DOCK3: variants seen among roughly 807,000 people sequenced by gnomAD.
DOCK3 encodes dedicator of cytokinesis 3, also known as dedicator of cytokinesis protein 3.
DOCK3 carries 60 observed loss-of-function variants against 265.6 expected under a neutral mutation model. That is an observed-to-expected ratio of 0.23 (90% confidence interval 0.18 to 0.28). DOCK3 has a LOEUF of 0.28. Among genes scored for constraint, DOCK3 ranks in the 10% least tolerant of loss-of-function variants. The pLI is 1.00. For synonymous variants in DOCK3, 881 were observed against 938.0 expected, an observed-to-expected ratio of 0.94 and a Z score of 1.11; for missense variants, 1,981 against 2,594.3, an observed-to-expected ratio of 0.76 and a Z score of 5.14.
chr3:51,207,095 G>C (rs2089258002), intron 12 of DOCK3, among the ~76,000 whole-genome samples: 2 of 152,158 alleles, frequency 1.3e-5, no homozygotes, highest in African/African-American at 4.8e-5. Flanking sequence ...GAATGGGTGA[G>C]ATTGCCCAGG....
chr3:50,943,915 A>T (rs1044407425), intron 5 of DOCK3, among the ~76,000 whole-genome samples: 6 of 152,184 alleles, frequency 3.9e-5, no homozygotes, highest in Non-Finnish European at 7.4e-5. Flanking sequence ...AATGGATGTT[A>T]TAAACTTATT....
rs182208718 is a variant in DOCK3, at chr3:51,217,872, C to T, written c.1252+3625C>T. Among the ~76,000 whole-genome samples, 6 of 152,284 alleles carry T rather than the reference C, an allele frequency of 3.9e-5. No individual in the cohort carries two copies. In the East Asian group the frequency reaches 9.6e-4, roughly 24 times the overall value. On this transcript the variant is annotated intron_variant, in intron 14 of 52. Transcript: ENST00000266037. ...GTGGCTCACACCTGTAATCCCAGCACTTTGGGAGGCCAAGGCAGGCAGATC... is the reference window on the plus strand; with the variant it reads ...GTGGCTCACACCTGTAATCCCAGCATTTTGGGAGGCCAAGGCAGGCAGATC...
chr3:50,776,018 G>T (rs2041574865), intron 1 of DOCK3, among the ~76,000 whole-genome samples: 1 of 152,106 alleles, frequency 6.6e-6, no homozygotes, highest in South Asian at 2.1e-4. Flanking sequence ...CTGTGTCTTT[G>T]CAATTGTGTG....
intron 4 of DOCK3, among the ~76,000 whole-genome samples, chr3:50,930,801 G>A (rs1013724532): frequency 4.6e-5 from 7 of 152,236 alleles, no homozygotes; most frequent in African/African-American, 1.7e-4. Context: ...CTCTTGCAGA[G>A]GCCCAGGAAC....
chr3:51,083,255 A>T (rs778041800), intron 7 of DOCK3, among the ~76,000 whole-genome samples: 2 of 152,052 alleles, frequency 1.3e-5, no homozygotes, highest in African/African-American at 4.8e-5. Flanking sequence ...ATCAAATCCA[A>T]AGCACCCTAC....
At chr3:51,013,049 T>C (rs1324635733) in intron 5 of DOCK3, among the ~76,000 whole-genome samples, 1 of 152,180 alleles carries the variant, frequency 6.6e-6, no homozygotes, top group Non-Finnish European at 1.5e-5. Flanking sequence ...GCCATTCATC[T>C]AATCTTTTTT....
At chr3:51,123,590 T>C (rs2084131692) in intron 9 of DOCK3, among the ~76,000 whole-genome samples, 1 of 152,220 alleles carries the variant, frequency 6.6e-6, no homozygotes, top group South Asian at 2.1e-4. Flanking sequence ...CTTTGTGCTC[T>C]CTGTCTCACA....
At chr3:50,867,350 T>C (rs2047192242) in intron 3 of DOCK3, among the ~76,000 whole-genome samples, 1 of 152,216 alleles carries the variant, frequency 6.6e-6, no homozygotes, top group South Asian at 2.1e-4. Flanking sequence ...TTTCTAAATA[T>C]GGGATTATAT....
intron 7 of DOCK3, among the ~76,000 whole-genome samples, chr3:51,088,238 A>G (rs929647508): frequency 2.0e-5 from 3 of 152,188 alleles, no homozygotes; most frequent in Admixed American, 6.5e-5. Flanking sequence ...GAGATAGGGA[A>G]TAAAAAAGTG....
intron 1 of DOCK3, among the ~76,000 whole-genome samples, chr3:50,738,982 C>G (rs2038829658): frequency 2.0e-5 from 3 of 152,118 alleles, no homozygotes; most frequent in Non-Finnish European, 4.4e-5. Context: ...TAGCAGTTTT[C>G]CAGCTAAATA....
At chr3:51,230,919 G>A (rs1460872593) in intron 19 of DOCK3, among the ~76,000 whole-genome samples, 2 of 130,034 alleles carry the variant, frequency 1.5e-5, no homozygotes, top group African/African-American at 2.9e-5. Flanking sequence ...TTGAGTGCAT[G>A]GGTCTTTTTG....
chr3:51,379,343 G>C, intron 51 of DOCK3: 13 of 969,126 alleles, frequency 1.3e-5, no homozygotes, highest in Non-Finnish European at 1.6e-5. Context: ...TGCCCCACAT[G>C]TGTGCTGGAT....
intron 9 of DOCK3, among the ~76,000 whole-genome samples, chr3:51,100,170 A>G (rs1219349832): frequency 2.6e-5 from 4 of 152,220 alleles, no homozygotes; most frequent in Admixed American, 1.3e-4. Context: ...TAAGCCCCTG[A>G]CAGTCTGGCC....
intron 5 of DOCK3, among the ~76,000 whole-genome samples, chr3:50,950,203 C>T (rs1445008092): frequency 6.6e-6 from 1 of 152,004 alleles, no homozygotes; most frequent in Non-Finnish European, 1.5e-5. Flanking sequence ...ATTATAAGTA[C>T]CCATTTTATA....
intron 3 of DOCK3, among the ~76,000 whole-genome samples, chr3:50,882,006 G>A (rs2355704): frequency 0.057 from 8,713 of 152,212 alleles, 885 homozygotes; most frequent in African/African-American, 0.2. Context: ...ACAAAGACAA[G>A]CAATGGGGAA....
At chr3:50,694,777 A>T (rs1389378973) in intron 1 of DOCK3, among the ~76,000 whole-genome samples, 1 of 152,206 alleles carries the variant, frequency 6.6e-6, no homozygotes, top group Admixed American at 6.5e-5. Context: ...ACTCCACTGC[A>T]CTCCAGCCTG....
chr3:51,281,305 ATC>A (rs58562986), intron 27 of DOCK3, among the ~76,000 whole-genome samples: 1 of 132,738 alleles, frequency 7.5e-6, no homozygotes, highest in African/African-American at 2.7e-5. Context: ...ATATATATAT[ATC>A]TCATAATATT....
chr3:50,771,081 G>C (rs2041246230), intron 1 of DOCK3, among the ~76,000 whole-genome samples: 1 of 152,144 alleles, frequency 6.6e-6, no homozygotes, highest in South Asian at 2.1e-4. Flanking sequence ...GGCAACCAAA[G>C]CACACATGGA....
chr3:51,202,032 G>A (rs1211136374), intron 12 of DOCK3, among the ~76,000 whole-genome samples: 1 of 152,126 alleles, frequency 6.6e-6, no homozygotes, highest in African/African-American at 2.4e-5. Flanking sequence ...AGTGTGTAGA[G>A]GGAAATTTAT....
Sources: gnomAD v4.1 joint callset for allele counts (sites outside exome capture counted in the v4.1 genomes callset) on GRCh38, gnomAD v4.1.1 for gene constraint, MANE v1.5 for transcripts, NCBI Gene and HGNC (gene_info 2026-07-23, HGNC 2026-07-21) for gene names.